Variants in ROBO2 observed in about 807,000 individuals in gnomAD.
ROBO2 encodes roundabout guidance receptor 2, also known as roundabout homolog 2.
A neutral mutation model predicts 160.8 loss-of-function variants in ROBO2; 53 were observed. That is an observed-to-expected ratio of 0.33 (90% CI 0.26 to 0.41). The LOEUF (loss-of-function observed/expected upper bound fraction) is 0.41. Ranked by LOEUF, ROBO2 falls within the 10% of genes least tolerant of loss-of-function variation. ROBO2 has a pLI of 1.00. For missense variants in ROBO2, 1,577 were observed against 1,722.4 expected (o/e 0.92, Z 1.49); for synonymous variants, 664 against 611.7 (o/e 1.09, Z -1.26).
chr3:77,175,579 A>G (rs1197174552), intron 2 of ROBO2, among the ~76,000 whole-genome samples: 1 of 152,046 alleles, frequency 6.6e-6, no homozygotes, highest in East Asian at 1.9e-4. Flanking sequence ...ATAATCATTT[A>G]GAAGCTATTG....
chr3:76,643,088 T>C (rs2090783607), intron 2 of ROBO2, among the ~76,000 whole-genome samples: 1 of 152,148 alleles, frequency 6.6e-6, no homozygotes, highest in Non-Finnish European at 1.5e-5. Context: ...TTAAAAGAGG[T>C]CCTTTTTATC....
chr3:76,328,204 A>G lies in ROBO2; in HGVS notation c.109+390602A>G, dbSNP rs188198204. On this transcript the variant is annotated intron_variant, in intron 2 of 26. Coordinates refer to the ROBO2 transcript ENST00000487694. The stretch of plus-strand genomic sequence containing the variant: ...TCACTAGAAGTTTGAGCAGAGCACA[A>G]TCTTCATTATGATGAGAGATTATCT... 3.7e-4 allele frequency among the ~76,000 whole-genome samples: 56 copies of G among 152,328 alleles called. 1 individual carries two copies. The East Asian group carries it at 0.01, about 28-fold the overall frequency.
intron 1 of ROBO2, among the ~76,000 whole-genome samples, chr3:77,047,990 T>A (rs1578509306): frequency 6.6e-6 from 1 of 151,940 alleles, no homozygotes; most frequent in South Asian, 2.1e-4. Context: ...GAACTGGCAG[T>A]GAGCCGAGAT....
chr3:77,144,678 A>G (rs2076982373), intron 2 of ROBO2, among the ~76,000 whole-genome samples: 1 of 152,220 alleles, frequency 6.6e-6, no homozygotes, highest in African/African-American at 2.4e-5. Context: ...AAATATGACA[A>G]ATATATGGCA....
At chr3:77,603,757 G>A (rs548994869) in intron 20 of ROBO2, 1 of 151,838 alleles carries the variant, frequency 6.6e-6, no homozygotes, top group Non-Finnish European at 1.5e-5. Context: ...AATTTTCCTG[G>A]CCCAAAGATC....
intron 2 of ROBO2, among the ~76,000 whole-genome samples, chr3:76,184,790 G>A (rs916638665): frequency 6.6e-6 from 1 of 152,094 alleles, no homozygotes; most frequent in Non-Finnish European, 1.5e-5. Flanking sequence ...ATGGACACTG[G>A]TGTGTAAGTT....
intron 2 of ROBO2, among the ~76,000 whole-genome samples, chr3:76,493,375 A>G (rs1298729873): frequency 6.9e-6 from 1 of 144,908 alleles, no homozygotes; most frequent in East Asian, 2.0e-4. Flanking sequence ...AATTGTATAT[A>G]CATGTACAAA....
At chr3:76,223,498 C>T (rs1369246227) in intron 2 of ROBO2, among the ~76,000 whole-genome samples, 1 of 152,024 alleles carries the variant, frequency 6.6e-6, no homozygotes, top group African/African-American at 2.4e-5. Flanking sequence ...GAAGAAGACT[C>T]ATCAGAATTT....
At chr3:76,190,862 G>A (rs1449496992) in intron 2 of ROBO2, among the ~76,000 whole-genome samples, 3 of 152,036 alleles carry the variant, frequency 2.0e-5, no homozygotes, top group Admixed American at 6.6e-5. Context: ...CACTATATAT[G>A]CTCAGTTATT....
intron 2 of ROBO2, among the ~76,000 whole-genome samples, chr3:77,160,796 A>C (rs889446941): frequency 2.6e-5 from 4 of 152,142 alleles, no homozygotes; most frequent in African/African-American, 9.7e-5. Context: ...ATTACCCCGG[A>C]GTTACAGTTT....
At chr3:77,410,687 TTCCTCCTCCTCTTCC>T (rs1560758588) in intron 2 of ROBO2, among the ~76,000 whole-genome samples, 175 of 72,086 alleles carry the variant, frequency 2.4e-3, no homozygotes, top group African/African-American at 3.9e-3. Flanking sequence ...CCTCCTCCTC[TTCCTCCTCCTCTTCC>T]TCCTCCTCCT....
chr3:76,634,511 T>G (rs908738302), intron 2 of ROBO2, among the ~76,000 whole-genome samples: 58 of 150,690 alleles, frequency 3.8e-4, no homozygotes, highest in African/African-American at 1.4e-3. Context: ...GGGGTTGCAG[T>G]GAGCCGAGAT....
chr3:77,477,343 G>T lies in ROBO2; in HGVS notation c.389-71G>T, dbSNP rs932513699. The T allele has an allele frequency of 4.0e-6, 6 of 1,490,818 alleles. No homozygotes were observed. The African/African-American group carries it at 5.5e-5, about 14-fold the overall frequency. 92.3% of individuals were successfully genotyped at this position (1,490,818 alleles called of 1,614,324 possible). A position where few individuals can be genotyped will look rare whatever the true frequency, so the allele number is the denominator to read the frequency against. On this transcript the variant is annotated intron_variant, in intron 2 of 25. Coordinates refer to ENST00000461745, the Ensembl canonical transcript of ROBO2. ...TAGAACAAGGTAAACAAGACTTGAAGTTACCTTGTACAACAAAAAGCCTAA... is the reference window on the plus strand; with the variant it reads ...TAGAACAAGGTAAACAAGACTTGAATTTACCTTGTACAACAAAAAGCCTAA...
At chr3:76,221,071 T>A (rs1703934349) in intron 2 of ROBO2, among the ~76,000 whole-genome samples, 1 of 152,216 alleles carries the variant, frequency 6.6e-6, no homozygotes, top group East Asian at 1.9e-4. Context: ...ATACTCTTCT[T>A]TACTTCCATT....
intron 2 of ROBO2, among the ~76,000 whole-genome samples, chr3:75,975,116 T>C (rs1008291615): frequency 6.6e-6 from 1 of 151,540 alleles, no homozygotes; most frequent in African/African-American, 2.4e-5. Context: ...GGGATTAGAA[T>C]TGGCTAGATA....
intron 2 of ROBO2, among the ~76,000 whole-genome samples, chr3:77,157,168 C>A (rs992855972): frequency 6.6e-6 from 1 of 151,906 alleles, no homozygotes; most frequent in Non-Finnish European, 1.5e-5. Flanking sequence ...GGTGATGCGC[C>A]CCTATCTTTC....
intron 2 of ROBO2, among the ~76,000 whole-genome samples, chr3:77,258,819 T>C (rs745433049): frequency 6.6e-6 from 1 of 152,190 alleles, no homozygotes; most frequent in Non-Finnish European, 1.5e-5. Context: ...TGGGAATTTA[T>C]CTATGTACAA....
intron 2 of ROBO2, among the ~76,000 whole-genome samples, chr3:76,423,817 C>A (rs1361534571): frequency 6.6e-6 from 1 of 152,006 alleles, no homozygotes; most frequent in Non-Finnish European, 1.5e-5. Flanking sequence ...AAAATGATGG[C>A]AAGACTTGAG....
intron 2 of ROBO2, among the ~76,000 whole-genome samples, chr3:76,446,338 A>C (rs140272287): frequency 3.9e-5 from 6 of 152,288 alleles, no homozygotes; most frequent in African/African-American, 1.4e-4. Context: ...TACAAGGGAT[A>C]TGAAGGACCT....
Sources: allele counts gnomAD v4.1 joint callset (sites outside exome capture counted in the v4.1 genomes callset), GRCh38; gene constraint gnomAD v4.1.1; transcripts MANE v1.5; gene names NCBI Gene and HGNC (gene_info 2026-07-23, HGNC 2026-07-21).